MR1: variants seen among roughly 807,000 people sequenced by gnomAD.
MR1 encodes the protein major histocompatibility complex, class I-related, also known as major histocompatibility complex class I-related protein 1.
A neutral mutation model predicts 37.8 loss-of-function variants in MR1; 44 were observed. That is an observed-to-expected ratio of 1.16 (90% CI 0.91 to 1.50). The LOEUF (loss-of-function observed/expected upper bound fraction) is 1.50, where lower values mean the gene tolerates loss of function less well. MR1 is among the 40% of genes most tolerant of loss of function. The pLI, the probability that MR1 is intolerant of heterozygous loss-of-function variation, is 0.00. For synonymous variants in MR1, 153 were observed against 155.8 expected, an observed-to-expected ratio of 0.98 and a Z score of 0.13; for missense variants, 386 against 419.1, an observed-to-expected ratio of 0.92 and a Z score of 0.69.
At chr1:181,037,416 C>T (rs1462323881) in intron 1 of MR1, among the ~76,000 whole-genome samples, 1 of 152,190 alleles carries the variant, frequency 6.6e-6, no homozygotes, top group Non-Finnish European at 1.5e-5. Flanking sequence ...GACAATGTTT[C>T]ACTCCCCTAA....
At chr1:181,047,373 G>T (rs1442225656) in intron 1 of MR1, among the ~76,000 whole-genome samples, 1 of 152,026 alleles carries the variant, frequency 6.6e-6, no homozygotes, top group Non-Finnish European at 1.5e-5. Flanking sequence ...GGCCGAGGTG[G>T]GCAGATCATG....
chr1:181,035,449 T>A, intron 1 of MR1, among the ~76,000 whole-genome samples: 1 of 152,070 alleles, frequency 6.6e-6, no homozygotes, highest in East Asian at 1.9e-4. Context: ...TCTGCTTCCA[T>A]GAAAATTTAA....
intron 4 of MR1, among the ~76,000 whole-genome samples, chr1:181,052,864 C>T (rs943900519): frequency 5.3e-5 from 8 of 151,908 alleles, no homozygotes; most frequent in Admixed American, 2.6e-4. Flanking sequence ...GTCAGGAGTT[C>T]GAGACCAGCC....
intron 1 of MR1, among the ~76,000 whole-genome samples, chr1:181,038,934 G>T (rs911531929): frequency 6.6e-6 from 1 of 152,206 alleles, no homozygotes; most frequent in African/African-American, 2.4e-5. Flanking sequence ...CTCCCAAGTA[G>T]CTGGGATTAC....
chr1:181,045,412 C>T (rs1657796481), intron 1 of MR1, among the ~76,000 whole-genome samples: 1 of 152,112 alleles, frequency 6.6e-6, no homozygotes, highest in Non-Finnish European at 1.5e-5. Flanking sequence ...CGCCTCTGCC[C>T]GTGACGCCTG....
Position 181,049,123 on chromosome 1 carries a change from G to A in MR1, c.139G>A (p.Val47Ile). ...CCATGGGGTCCCTGAATTTATTTCG[G>A]TTGGGTACGTGGACTCGCACCCTAT... Reference protein sequence around the residue: ...PIHGVPEFISVGYVDSHPITT... With the variant: ...PIHGVPEFISIGYVDSHPITT... The change falls in exon 2 of 6, where the codon GTT (valine) becomes ATT (isoleucine). Residue 47 changes from valine (V) to isoleucine (I), a missense_variant. Val to Ile is a conservative substitution (Grantham distance 29). Coordinates refer to ENST00000367580, the MANE Select transcript of MR1 (RefSeq NM_001385161.1). 1 of 1,614,140 alleles carries A rather than the reference G, an allele frequency of 6.2e-7. No homozygotes were observed. The highest frequency in any genetic ancestry group is 1.1e-5 in the South Asian group (1 of 91,084).
chr1:181,050,837 A>T (rs1297425087), intron 3 of MR1: 5 of 159,330 alleles, frequency 3.1e-5, no homozygotes, highest in African/African-American at 1.2e-4. Flanking sequence ...ATTAAAAAAA[A>T]AATTAGCTGA....
chr1:181,036,630 A>T (rs759038581), intron 1 of MR1, among the ~76,000 whole-genome samples: 11 of 151,910 alleles, frequency 7.2e-5, no homozygotes, highest in Admixed American at 3.3e-4. Context: ...GCTTTCATCA[A>T]CTCCACAGCC....
intron 1 of MR1, among the ~76,000 whole-genome samples, chr1:181,046,992 G>A (rs1657916219): frequency 6.6e-6 from 1 of 152,098 alleles, no homozygotes; most frequent in East Asian, 1.9e-4. Flanking sequence ...GCCACCTTAA[G>A]AGCTGTAACA....
intron 1 of MR1, among the ~76,000 whole-genome samples, chr1:181,039,813 C>A (rs1657459324): frequency 6.7e-6 from 1 of 149,706 alleles, no homozygotes; most frequent in Non-Finnish European, 1.5e-5. Flanking sequence ...TTGCAGTGAG[C>A]CAAGATCATG....
chr1:181,037,027 G>A (rs912657155), intron 1 of MR1: 2 of 152,236 alleles, frequency 1.3e-5, no homozygotes, highest in Non-Finnish European at 2.9e-5. Flanking sequence ...GGCGATATGG[G>A]TGGGTGTAAT....
chr1:181,049,378 G>A (rs1280603700), intron 2 of MR1, 66 bp downstream of exon 2: 10 of 1,531,500 alleles, frequency 6.5e-6, no homozygotes, highest in African/African-American at 2.8e-5. Context: ...CCCTGGGCTG[G>A]CCTCCAATAA....
intron 1 of MR1, among the ~76,000 whole-genome samples, chr1:181,045,677 C>T (rs1230284263): frequency 1.3e-5 from 2 of 152,230 alleles, no homozygotes; most frequent in Non-Finnish European, 2.9e-5. Flanking sequence ...TGCTGGCAGT[C>T]CTCACAGCCC....
At chr1:181,054,266 T>C (rs1488914897) in intron 5 of MR1, among the ~76,000 whole-genome samples, 3 of 152,216 alleles carry the variant, frequency 2.0e-5, no homozygotes, top group Non-Finnish European at 4.4e-5. Context: ...ATTAATGACC[T>C]ACTGTGCTCC....
chr1:181,060,341 C>G lies in MR1; in HGVS notation c.*5076C>G, dbSNP rs1408703778. On this transcript the variant is annotated 3_prime_UTR_variant, in exon 6 of 6. Transcript: ENST00000367580. ...CCCTATTTCCAAAGAAGGCCACATT[C>G]TGAGGTACTGGGGGTTATAACTTCA... The G allele has an allele frequency of 6.6e-6, 1 of 152,214 alleles. No homozygotes were observed. Among genetic ancestry groups the G allele is most frequent in the Non-Finnish European group, 1.5e-5 (1 of 68,050 alleles). 9.4% of individuals were successfully genotyped at this position (152,214 alleles called of 1,614,324 possible).
chr1:181,055,244 C>A lies in MR1; in HGVS notation c.1005C>A (p.Tyr335Ter). 3 of 1,613,704 alleles carry A rather than the reference C, an allele frequency of 1.9e-6. No homozygotes were observed. The highest frequency in any genetic ancestry group is 2.5e-6 in the Non-Finnish European group (3 of 1,179,606). Reference protein sequence around the residue: ...RRPREQNGAIYLPTPDR With the variant: ...RRPREQNGAI ...TTTCAGAGCAAAATGGAGCCATCTA[C>A]CTTCCAACACCAGATCGATGATTGC... The change falls in exon 6 of 6, where the codon TAC becomes TAA. Residue 335 changes from tyrosine (Y) to a stop codon, truncating the protein, a stop_gained. Transcript: ENST00000367580. LOFTEE classifies it high-confidence loss of function.
At chr1:181,042,089 G>GA (rs1185231523) in intron 1 of MR1, among the ~76,000 whole-genome samples, 1 of 151,878 alleles carries the variant, frequency 6.6e-6, no homozygotes, top group Non-Finnish European at 1.5e-5. Flanking sequence ...TTCCAGATGT[G>GA]AAAAAATAGA....
chr1:181,055,430 C>G lies in MR1; in HGVS notation c.*165C>G, dbSNP rs1432345936. 1.6e-5 allele frequency: 10 copies of G among 615,376 alleles called. No individual in the cohort carries two copies. Among genetic ancestry groups the G allele is most frequent in the Admixed American group, 3.2e-5 (1 of 31,236 alleles). The allele number at this position is 615,376 out of a possible 1,614,324, so 38.1% of individuals were successfully genotyped here. A position where few individuals can be genotyped will look rare whatever the true frequency, so the allele number is the denominator to read the frequency against. ...AGCAACAGAGGAGCCACAAAATGTT[C>G]TTTGTTCTTTGGCTCCAAAAAGACT... On this transcript the variant is annotated 3_prime_UTR_variant, in exon 6 of 6. Coordinates refer to ENST00000367580, the MANE Select transcript of MR1 (RefSeq NM_001385161.1).
intron 1 of MR1, among the ~76,000 whole-genome samples, chr1:181,046,799 T>C (rs929786270): frequency 6.6e-6 from 1 of 152,106 alleles, no homozygotes; most frequent in Non-Finnish European, 1.5e-5. Flanking sequence ...GCTTCACTCC[T>C]GAAGCCAGCG....
Sources: allele counts gnomAD v4.1 joint callset (sites outside exome capture counted in the v4.1 genomes callset), GRCh38; gene constraint gnomAD v4.1.1; transcripts MANE v1.5; gene names NCBI Gene and HGNC (gene_info 2026-07-23, HGNC 2026-07-21).